Variants in MAMDC2 observed in about 807,000 individuals in gnomAD.
MAMDC2 encodes MAM domain containing 2.
Under a neutral mutation model 89.8 loss-of-function variants are expected in MAMDC2, and 57 were observed. The observed-to-expected ratio is 0.63, with a 90% confidence interval of 0.51 to 0.79. The LOEUF is 0.79. MAMDC2 is among the 30% of genes least tolerant of loss of function. The pLI is 0.00. For missense variants in MAMDC2, 800 were observed against 820.6 expected (o/e 0.97, Z 0.31); for synonymous variants, 313 against 293.4 (o/e 1.07, Z -0.68).
intron 5 of MAMDC2, among the ~76,000 whole-genome samples, chr9:70,115,081 G>T (rs998954580): frequency 1.3e-5 from 2 of 152,196 alleles, no homozygotes; most frequent in Non-Finnish European, 2.9e-5. Flanking sequence ...TGCCAGGAAA[G>T]AGATTTTAAC....
chr9:70,096,855 G>A (rs1042107254), intron 2 of MAMDC2, among the ~76,000 whole-genome samples: 3 of 152,106 alleles, frequency 2.0e-5, no homozygotes, highest in Non-Finnish European at 4.4e-5. Context: ...GAATCCAGAG[G>A]AAAAGAACAT....
chr9:70,108,211 G>T lies in MAMDC2; in HGVS notation c.149G>T (p.Gly50Val). Residue 50 changes from glycine (G) to valine (V), a missense_variant and splice_region_variant, in exon 3 of 14, where the codon GGC becomes GTC. By Grantham distance (109) the Gly-to-Val change is moderately radical (BLOSUM62 -3). Transcript: ENST00000377182. ...TTCCTATGTTCCTTTCTCTTTCCAG[G>T]CCATTACATTTATGTGGATACCTCC... ...ASLPWILNEE[G>V]HYIYVDTSFG... The T allele has an allele frequency of 1.9e-6, 3 of 1,577,706 alleles. No individual in the cohort carries two copies. Among genetic ancestry groups the T allele is most frequent in the Non-Finnish European group, 2.6e-6 (3 of 1,163,668 alleles).
chr9:70,076,281 T>C (rs565595575), intron 2 of MAMDC2, among the ~76,000 whole-genome samples: 1 of 151,918 alleles, frequency 6.6e-6, no homozygotes, highest in African/African-American at 2.4e-5. Context: ...TTTAGCCGAG[T>C]GTGGTGGCAG....
At chr9:70,129,016 C>G (rs147736366) in intron 6 of MAMDC2, among the ~76,000 whole-genome samples, 4 of 152,200 alleles carry the variant, frequency 2.6e-5, no homozygotes, top group African/African-American at 9.6e-5. Flanking sequence ...ACTCTGTGCT[C>G]GGATATTTGT....
chr9:70,087,528 G>A (rs1827797834), intron 2 of MAMDC2: 1 of 152,040 alleles, frequency 6.6e-6, no homozygotes, highest in Non-Finnish European at 1.5e-5. Context: ...TTATAATTGA[G>A]TCTCATTTAC....
chr9:70,207,733 T>G (rs1482072779), intron 11 of MAMDC2, among the ~76,000 whole-genome samples: 3 of 152,232 alleles, frequency 2.0e-5, no homozygotes, highest in Non-Finnish European at 4.4e-5. Context: ...TGGTATTGCC[T>G]AGGTTTTCTT....
intron 11 of MAMDC2, among the ~76,000 whole-genome samples, chr9:70,207,256 AG>A (rs1441892065): frequency 6.6e-6 from 1 of 152,302 alleles, no homozygotes; most frequent in East Asian, 1.9e-4. Context: ...GCAGTGTAAA[AG>A]TGTTCCTATT....
chr9:70,217,293 T>C, intron 11 of MAMDC2: 2 of 1,324,342 alleles, frequency 1.5e-6, no homozygotes, highest in Non-Finnish European at 2.2e-6. Flanking sequence ...AGTTTCTTAA[T>C]GCGAAATGCG....
At chr9:70,142,224 A>C (rs1480784329) in intron 8 of MAMDC2, among the ~76,000 whole-genome samples, 1 of 152,162 alleles carries the variant, frequency 6.6e-6, no homozygotes, top group African/African-American at 2.4e-5. Context: ...GGAGTGACCC[A>C]GGCAGAGGGA....
At chr9:70,080,844 A>T (rs1486758351) in intron 2 of MAMDC2, among the ~76,000 whole-genome samples, 2 of 152,146 alleles carry the variant, frequency 1.3e-5, no homozygotes, top group Non-Finnish European at 2.9e-5. Context: ...ACAGTGTGGA[A>T]ACACCTAATT....
intron 5 of MAMDC2, among the ~76,000 whole-genome samples, chr9:70,124,237 A>C (rs1033669938): frequency 6.6e-6 from 1 of 152,092 alleles, no homozygotes; most frequent in Non-Finnish European, 1.5e-5. Context: ...TTTTCCAGAT[A>C]AGCTTGATTT....
At chr9:70,077,588 A>G (rs3015168) in intron 2 of MAMDC2, among the ~76,000 whole-genome samples, 53,278 of 152,068 alleles carry the variant, frequency 0.35, 10,620 homozygotes, top group African/African-American at 0.54. Flanking sequence ...GCATGGCTCC[A>G]TGATGCATGG....
intron 2 of MAMDC2, among the ~76,000 whole-genome samples, chr9:70,093,512 A>C (rs1587463657): frequency 7.1e-6 from 1 of 141,088 alleles, no homozygotes; most frequent in African/African-American, 2.7e-5. Context: ...TGAAACCTCC[A>C]CCTCCCGGGT....
At chr9:70,225,902 A>G in intron 13 of MAMDC2, 66 bp from the exon 14 acceptor site, 6 of 1,470,046 alleles carry the variant, frequency 4.1e-6, no homozygotes, top group Non-Finnish European at 5.6e-6. Flanking sequence ...TCAAACTACA[A>G]GAATACAAAT....
chr9:70,204,198 T>C lies in MAMDC2; in HGVS notation c.1652-14139T>C, dbSNP rs1243002122. Among the ~76,000 whole-genome samples, 266 of 148,868 alleles carry C rather than the reference T, an allele frequency of 1.8e-3. 1 individual carries two copies. Among genetic ancestry groups the C allele is most frequent in the African/African-American group, 5.7e-3 (232 of 40,910 alleles). On this transcript the variant is annotated intron_variant, in intron 11 of 13. Transcript: ENST00000377182. ...CCATCTTTGTGGTTTTATCTACTTT[T>C]GGTCTTTGATGATGGTGATGTACAG...
chr9:70,128,814 A>G lies in MAMDC2; in HGVS notation c.900+2399A>G, dbSNP rs2030674803. Among the ~76,000 whole-genome samples, 3 of 151,954 alleles carry G rather than the reference A, an allele frequency of 2.0e-5. No homozygotes were observed. In the South Asian group the frequency reaches 6.2e-4, roughly 32 times the overall value. On this transcript the variant is annotated intron_variant, in intron 6 of 13. Transcript: ENST00000377182. ...TGGGACTACAGGCATGTGCCACCACACCCAGCTAATTTTTGTATTTTTTGT... is the reference window on the plus strand; with the variant it reads ...TGGGACTACAGGCATGTGCCACCACGCCCAGCTAATTTTTGTATTTTTTGT...
At chr9:70,172,365 G>T (rs1451084272) in intron 11 of MAMDC2, among the ~76,000 whole-genome samples, 1 of 152,160 alleles carries the variant, frequency 6.6e-6, no homozygotes, top group Non-Finnish European at 1.5e-5. Flanking sequence ...TGGATTAAAA[G>T]AAAGGAACTT....
chr9:70,131,660 A>G (rs2118369014), intron 7 of MAMDC2, 48 bp downstream of exon 7: 1 of 1,366,442 alleles, frequency 7.3e-7, no homozygotes, highest in Non-Finnish European at 1.0e-6. Flanking sequence ...TCCTGTTTCA[A>G]TAGATGTTTG....
rs1217493574 is a variant in MAMDC2 at position 70,226,797 on chromosome 9, A to G, written c.*765A>G. On this transcript the variant is annotated 3_prime_UTR_variant, in exon 14 of 14. Transcript: ENST00000377182. ...AGCAACTTTTATAAATGTGTTAAAC[A>G]ATTTTACTGATTTTTATAATAAATA... 6.6e-6 allele frequency: 1 copy of G among 152,100 alleles called. No individual in the cohort carries two copies. The highest frequency in any genetic ancestry group is 2.4e-5 in the African/African-American group (1 of 41,452). 9.4% of individuals were successfully genotyped at this position (152,100 alleles called of 1,614,324 possible).
Sources: allele counts gnomAD v4.1 joint callset (sites outside exome capture counted in the v4.1 genomes callset), GRCh38; gene constraint gnomAD v4.1.1; transcripts MANE v1.5; gene names NCBI Gene and HGNC (gene_info 2026-07-23, HGNC 2026-07-21).